The following EMSY variants were observed in gnomAD, a reference collection of about 807,000 sequenced individuals.
The protein encoded by EMSY is EMSY transcriptional repressor, BRCA2 interacting.
Under a neutral mutation model 134.6 loss-of-function variants are expected in EMSY, and 26 were observed. That is an observed-to-expected ratio of 0.19 (90% confidence interval 0.14 to 0.27). The LOEUF is 0.27. EMSY is among the 10% of genes least tolerant of loss of function. The probability of loss-of-function intolerance (pLI) is 1.00; values close to 1 mark genes in which losing one functional copy is unlikely to be tolerated. For synonymous variants in EMSY, 579 were observed against 577.8 expected (o/e 1.00, Z -0.03); for missense variants, 1,305 against 1,611.4 (o/e 0.81, Z 3.26).
At chr11:76,538,015 A>T (rs1951288917) in intron 16 of EMSY, 65 bp downstream of exon 17, 1 of 1,360,952 alleles carries the variant, frequency 7.3e-7, no homozygotes, top group African/African-American at 1.5e-5. Context: ...TCATGGGATG[A>T]TTGTGTGGGG....
intron 6 of EMSY, among the ~76,000 whole-genome samples, chr11:76,463,507 C>A (rs1189501763): frequency 2.6e-5 from 4 of 151,974 alleles, no homozygotes; most frequent in African/African-American, 9.7e-5. Context: ...CCTGTAGTCC[C>A]AGCTACTCGG....
chr11:76,490,958 C>G (rs1175769839), intron 8 of EMSY, among the ~76,000 whole-genome samples: 2 of 151,996 alleles, frequency 1.3e-5, no homozygotes, highest in African/African-American at 4.8e-5. Flanking sequence ...TCAAACATTG[C>G]ATGTTAACTT....
At chr11:76,522,505 T>C (rs1455230834) in intron 11 of EMSY, among the ~76,000 whole-genome samples, 1 of 151,738 alleles carries the variant, frequency 6.6e-6, no homozygotes, top group East Asian at 1.9e-4. Context: ...GTAGCTGGGA[T>C]TACAGGCGCC....
At chr11:76,517,490 T>G (rs1418850052) in intron 11 of EMSY, among the ~76,000 whole-genome samples, 2 of 152,208 alleles carry the variant, frequency 1.3e-5, no homozygotes, top group Non-Finnish European at 2.9e-5. Context: ...ATCTTATATT[T>G]CATTGGTAGG....
chr11:76,527,959 A>G (rs191909354), intron 13 of EMSY, among the ~76,000 whole-genome samples: 51 of 152,180 alleles, frequency 3.4e-4, no homozygotes, highest in African/African-American at 1.1e-3. Context: ...CAGCTTGTGG[A>G]TATCATTTTA....
intron 9 of EMSY, among the ~76,000 whole-genome samples, chr11:76,500,143 C>T (rs773549294): frequency 6.6e-6 from 1 of 151,344 alleles, no homozygotes; most frequent in African/African-American, 2.4e-5. Flanking sequence ...CACATTTGAC[C>T]TTTTCACTGC....
chr11:76,445,642 C>A (rs1312804588), intron 1 of EMSY, among the ~76,000 whole-genome samples: 1 of 152,120 alleles, frequency 6.6e-6, no homozygotes, highest in Non-Finnish European at 1.5e-5. Flanking sequence ...GTTCCCCGAG[C>A]GGGCTCCGGA....
At chr11:76,445,977 C>G (rs1004342178) in intron 1 of EMSY, among the ~76,000 whole-genome samples, 2 of 152,174 alleles carry the variant, frequency 1.3e-5, no homozygotes, top group Non-Finnish European at 2.9e-5. Flanking sequence ...TTGGAGTTAG[C>G]AGCCCCAGCG....
exon 7 of EMSY, chr11:76,463,979 A>G: frequency 6.2e-7 from 1 of 1,614,222 alleles, no homozygotes; most frequent in Non-Finnish European, 8.5e-7. Flanking sequence ...GATGAGCAAC[A>G]TCATGCAGAG....
intron 11 of EMSY, among the ~76,000 whole-genome samples, chr11:76,517,487 A>T (rs906276730): frequency 2.0e-5 from 3 of 152,154 alleles, no homozygotes; most frequent in Admixed American, 2.0e-4. Flanking sequence ...GGGATCTTAT[A>T]TTTCATTGGT....
At chr11:76,453,520 C>G in intron 4 of EMSY, 132 bp downstream of exon 4, 3 of 766,180 alleles carry the variant, frequency 3.9e-6, no homozygotes, top group Non-Finnish European at 3.9e-6. Context: ...GGATCCTGAT[C>G]ATAGCAGTAA....
intron 6 of EMSY, among the ~76,000 whole-genome samples, chr11:76,463,330 A>G (rs1200791557): frequency 6.7e-6 from 1 of 150,170 alleles, no homozygotes; most frequent in Non-Finnish European, 1.5e-5. Context: ...CTTAAAAGAA[A>G]GGAGGGAAGG....
intron 9 of EMSY, among the ~76,000 whole-genome samples, chr11:76,511,343 A>G (rs891151549): frequency 9.2e-5 from 14 of 151,748 alleles, no homozygotes; most frequent in Non-Finnish European, 1.8e-4. Context: ...TCATTTTAAG[A>G]TTATCTTAAT....
chr11:76,529,957 C>G lies in EMSY; in HGVS notation c.2194+1491C>G, dbSNP rs73495410. Among the ~76,000 whole-genome samples, 687 of 151,806 alleles carry G rather than the reference C, an allele frequency of 4.5e-3. 4 individuals are homozygous for G. The highest frequency in any genetic ancestry group is 0.016 in the African/African-American group (650 of 41,366). On this transcript the variant is annotated intron_variant, in intron 14 of 20. Transcript: ENST00000334736. ...GAGCAATACTGGCCTTTTTTGCACT[C>G]GAGATATACAAAATATATTTTCAAA...
intron 2 of EMSY, among the ~76,000 whole-genome samples, chr11:76,448,718 C>G (rs932072721): frequency 2.6e-5 from 4 of 151,986 alleles, no homozygotes; most frequent in Non-Finnish European, 5.9e-5. Context: ...ACTTCCTCCC[C>G]ACCCGTTGGC....
chr11:76,447,238 A>G (rs1300047852), intron 2 of EMSY, among the ~76,000 whole-genome samples: 1 of 152,258 alleles, frequency 6.6e-6, no homozygotes, highest in Non-Finnish European at 1.5e-5. Flanking sequence ...ATTGAGGGCT[A>G]CTTGGCTATT....
chr11:76,474,352 G>C (rs1948696526), intron 8 of EMSY, among the ~76,000 whole-genome samples: 1 of 152,120 alleles, frequency 6.6e-6, no homozygotes, highest in South Asian at 2.1e-4. Context: ...AAACAATATA[G>C]AAGGGTACTT....
At position 76,496,486 on chromosome 11, in the gene EMSY, T is replaced by A. The variant is rs750857075; in HGVS notation, c.1363+17T>A. 1.1e-5 allele frequency: 18 copies of A among 1,612,740 alleles called. No individual in the cohort carries two copies. The highest frequency in any genetic ancestry group is 1.7e-6 in the Non-Finnish European group (2 of 1,179,672). On this transcript the variant is annotated intron_variant, in intron 9 of 20. Transcript: ENST00000334736. The stretch of plus-strand genomic sequence containing the variant: ...AGGAGTCAGGTAACTGGAAAATGTT[T>A]ATAAGATATGGTAATTCTTCTTTAT...
At chr11:76,472,653 A>T in exon 8 of EMSY, 1 of 1,614,162 alleles carries the variant, frequency 6.2e-7, no homozygotes, top group Non-Finnish European at 8.5e-7. Flanking sequence ...CTAAGCTTGT[A>T]CCAACGTCAG....
Sources: gnomAD v4.1 joint callset for allele counts (sites outside exome capture counted in the v4.1 genomes callset) on GRCh38, gnomAD v4.1.1 for gene constraint, MANE v1.5 for transcripts, NCBI Gene and HGNC (gene_info 2026-07-23, HGNC 2026-07-21) for gene names.